Variants in CGGBP1 observed in about 807,000 individuals in gnomAD.
CGGBP1 encodes the protein CGG triplet repeat-binding protein 1.
CGGBP1 carries 4 observed loss-of-function variants against 11.4 expected under a neutral mutation model. The ratio of observed to expected loss-of-function variants is 0.35; its 90% CI spans 0.17 to 0.80. The LOEUF (loss-of-function observed/expected upper bound fraction) is 0.80. Ranked by LOEUF, CGGBP1 falls within the 30% of genes least tolerant of loss-of-function variation. The pLI, the probability that CGGBP1 is intolerant of heterozygous loss-of-function variation, is 0.52. For synonymous variants in CGGBP1, 76 were observed against 74.1 expected (o/e 1.03, Z -0.13); for missense variants, 135 against 202.1 (o/e 0.67, Z 2.01).
chr3:88,135,722 C>T (rs1420743074), intron 2 of CGGBP1, among the ~76,000 whole-genome samples: 4 of 151,950 alleles, frequency 2.6e-5, no homozygotes, highest in Non-Finnish European at 5.9e-5. Context: ...TTACTTGGGC[C>T]ACTTGCAAGT....
chr3:88,110,907 T>C (rs768672307), intron 2 of CGGBP1, among the ~76,000 whole-genome samples: 1 of 152,098 alleles, frequency 6.6e-6, no homozygotes, highest in Non-Finnish European at 1.5e-5. Flanking sequence ...TTACTTTGCA[T>C]GTGGTTTTTC....
chr3:88,083,108 A>C (rs1266567840), intron 2 of CGGBP1, among the ~76,000 whole-genome samples: 1 of 151,672 alleles, frequency 6.6e-6, no homozygotes, highest in Admixed American at 6.6e-5. Flanking sequence ...ATCCTACTGG[A>C]ATAGGACTTC....
chr3:88,083,696 G>GT (rs142742207), intron 2 of CGGBP1, among the ~76,000 whole-genome samples: 8,664 of 152,190 alleles, frequency 0.057, 269 homozygotes, highest in Admixed American at 0.078. Flanking sequence ...TAGAACTGTA[G>GT]TAAGAGTGGG....
At chr3:88,092,570 T>TTAAGGCACCTGGATATTAACAGATTTCAA (rs1278489780) in intron 2 of CGGBP1, among the ~76,000 whole-genome samples, 2 of 152,298 alleles carry the variant, frequency 1.3e-5, no homozygotes, top group South Asian at 4.1e-4. Flanking sequence ...AACAGAATGT[T>TTAAGGCACCTGGATATTAACAGATTTCAA]TAAGGCACCT....
At chr3:88,066,791 CAAACAA>C (rs999815854) in intron 2 of CGGBP1, among the ~76,000 whole-genome samples, 5 of 152,022 alleles carry the variant, frequency 3.3e-5, no homozygotes, top group African/African-American at 4.8e-5. Context: ...TTAAAAATTA[CAAACAA>C]AAACAAAAAC....
At chr3:88,138,242 TATA>T (rs1278297689) in intron 2 of CGGBP1, among the ~76,000 whole-genome samples, 1 of 152,178 alleles carries the variant, frequency 6.6e-6, no homozygotes, top group Non-Finnish European at 1.5e-5. Flanking sequence ...CATATAGCAC[TATA>T]ATAAAAGTTC....
chr3:88,137,974 C>T (rs1706899564), intron 2 of CGGBP1, among the ~76,000 whole-genome samples: 2 of 151,956 alleles, frequency 1.3e-5, no homozygotes, highest in Non-Finnish European at 2.9e-5. Context: ...TATTCCAAAC[C>T]ACTAGAGACA....
chr3:88,059,165 G>T (rs1343102373), upstream of CGGBP1: 6 of 1,376,366 alleles, frequency 4.4e-6, no homozygotes, highest in East Asian at 1.6e-4. Flanking sequence ...GGGCGTGGGT[G>T]GGCGGAGCCG....
intron 1 of CGGBP1, among the ~76,000 whole-genome samples, chr3:88,147,851 A>C (rs1707337250): frequency 6.6e-6 from 1 of 152,172 alleles, no homozygotes; most frequent in Non-Finnish European, 1.5e-5. Context: ...TGCTACTGGC[A>C]CCCAGTGGGT....
At chr3:88,139,996 A>G (rs1326594714) in intron 2 of CGGBP1, 3 of 1,613,698 alleles carry the variant, frequency 1.9e-6, no homozygotes, top group Non-Finnish European at 2.5e-6. Flanking sequence ...ACCGATTTAA[A>G]TGTGCGACAA....
At chr3:88,082,456 G>T (rs1055028508) in intron 2 of CGGBP1, among the ~76,000 whole-genome samples, 2 of 152,172 alleles carry the variant, frequency 1.3e-5, no homozygotes, top group African/African-American at 4.8e-5. Flanking sequence ...GGCTGGATTC[G>T]CTGTAAACAA....
intron 2 of CGGBP1, chr3:88,086,550 T>A (rs1708343635): frequency 4.1e-6 from 3 of 732,500 alleles, no homozygotes; most frequent in Non-Finnish European, 6.1e-6. Context: ...TATTCAGGTT[T>A]AATTTTGAAC....
At chr3:88,076,883 A>T (rs1420904847) in intron 2 of CGGBP1, among the ~76,000 whole-genome samples, 1 of 152,206 alleles carries the variant, frequency 6.6e-6, no homozygotes, top group East Asian at 1.9e-4. Context: ...AAGCTGCCAC[A>T]TGGAGGACTC....
chr3:88,111,249 A>G (rs1398080570), intron 2 of CGGBP1, among the ~76,000 whole-genome samples: 1 of 152,002 alleles, frequency 6.6e-6, no homozygotes. Context: ...AAAAATGAAA[A>G]ATTACAAAAC....
At chr3:88,075,861 A>G (rs1361411117) in intron 2 of CGGBP1, among the ~76,000 whole-genome samples, 1 of 152,148 alleles carries the variant, frequency 6.6e-6, no homozygotes, top group Non-Finnish European at 1.5e-5. Context: ...AAAGCATTCA[A>G]TATCAAGCAA....
chr3:88,095,400 A>T (rs1158597710), intron 2 of CGGBP1: 5 of 330,802 alleles, frequency 1.5e-5, no homozygotes, highest in Admixed American at 9.0e-5. Context: ...GACAGGGATC[A>T]CCCCCTTTTA....
intron 2 of CGGBP1, among the ~76,000 whole-genome samples, chr3:88,106,747 C>G (rs1704764191): frequency 1.3e-5 from 2 of 152,112 alleles, no homozygotes; most frequent in Non-Finnish European, 2.9e-5. Context: ...TAATGTTCCC[C>G]TATTGCTTCT....
intron 1 of CGGBP1, among the ~76,000 whole-genome samples, chr3:88,148,893 A>G (rs374701724): frequency 1.3e-4 from 20 of 152,258 alleles, no homozygotes; most frequent in African/African-American, 4.8e-4. Flanking sequence ...TGCCCGCCTC[A>G]GCATCCCGAA....
chr3:88,100,202 C>T (rs1230971749), intron 2 of CGGBP1, among the ~76,000 whole-genome samples: 1 of 152,158 alleles, frequency 6.6e-6, no homozygotes, highest in Non-Finnish European at 1.5e-5. Context: ...GACATTTATG[C>T]AGCCAACAGA....
Sources: gnomAD v4.1 joint callset for allele counts (sites outside exome capture counted in the v4.1 genomes callset) on GRCh38, gnomAD v4.1.1 for gene constraint, MANE v1.5 for transcripts, NCBI Gene and HGNC (gene_info 2026-07-23, HGNC 2026-07-21) for gene names.